The following CLCN6 variants were observed in gnomAD, a reference collection of about 807,000 sequenced individuals.
CLCN6 encodes H(+)/Cl(-) exchange transporter 6.
A neutral mutation model predicts 109.8 loss-of-function variants in CLCN6; 70 were observed. The observed-to-expected ratio is 0.64, with a 90% CI of 0.53 to 0.78. The LOEUF is 0.78. Ranked by LOEUF, CLCN6 falls within the 30% of genes least tolerant of loss-of-function variation. CLCN6 has a pLI of 0.00. For missense variants in CLCN6, 984 were observed against 1,142.3 expected (o/e 0.86, Z 2.00); for synonymous variants, 444 against 447.8 (o/e 0.99, Z 0.11).
In CLCN6 at chr1:11,834,249, G is replaced by A. The variant is rs774130337; in HGVS notation, c.1540G>A (p.Gly514Ser). 1.9e-6 allele frequency: 3 copies of A among 1,613,440 alleles called. No individual in the cohort carries two copies. The African/African-American group carries it at 4.0e-5, about 22-fold the overall frequency. ...ANVLKSYIGL[G>S]HIYSGTFALI... ...TTCCTTCACTAGCTACATTGGATTG[G>A]GCCACATCTATTCGGGGACCTTTGC... Residue 514 changes from glycine to serine, a missense_variant, in exon 16 of 23, where the codon GGC becomes AGC. By Grantham distance (56) the Gly-to-Ser change is moderately conservative (BLOSUM62 0). Coordinates refer to ENST00000346436, the MANE Select transcript of CLCN6 (RefSeq NM_001286.5). This position sits in a 1 kb window ranked among gnomAD's most constrained non-coding sequence, Gnocchi z 4.5.
At chr1:11,822,629 C>A (rs1644760209) in intron 5 of CLCN6, 66 bp from the exon 6 acceptor site, 2 of 917,306 alleles carry the variant, frequency 2.2e-6, no homozygotes, top group Non-Finnish European at 3.6e-6. Context: ...GCAGCTGCAC[C>A]CTCTCAAGTG....
At chr1:11,822,913 A>G (rs1034739526) in intron 6 of CLCN6, 112 bp downstream of exon 6, 3 of 727,786 alleles carry the variant, frequency 4.1e-6, no homozygotes, top group Non-Finnish European at 7.2e-6. Flanking sequence ...TCCTGCAGAA[A>G]GTGGCCTCTT....
chr1:11,817,207 C>T (rs1644684596), intron 4 of CLCN6, among the ~76,000 whole-genome samples: 1 of 152,154 alleles, frequency 6.6e-6, no homozygotes, highest in South Asian at 2.1e-4. Flanking sequence ...ATCCTCCTAC[C>T]TCAGCCTCCC....
rs1240973898 is a variant in CLCN6, at chr1:11,815,899, C to A, written c.201C>A (p.Thr67=). ...INDPYLEVLE[T]MDNKKGRRYE... is the part of the protein sequence containing the mutation. ...ACCCTTACCTGGAAGTTTTGGAGAC[C>A]ATGGATAATAAGGTGGGTCTTACAA... is the stretch of plus-strand genomic sequence containing the variant. The change falls in exon 3 of 23, where the codon ACC becomes ACA. Residue 67 remains threonine, a synonymous_variant. Coordinates refer to ENST00000346436, the MANE Select transcript of CLCN6 (RefSeq NM_001286.5). 1.2e-6 allele frequency: 2 copies of A among 1,612,480 alleles called. No homozygotes were observed. Among genetic ancestry groups the A allele is most frequent in the South Asian group, 2.2e-5 (2 of 91,052 alleles).
intron 2 of CLCN6, among the ~76,000 whole-genome samples, 199 bp from the exon 3 acceptor site, chr1:11,815,647 G>A (rs1644660104): frequency 6.6e-6 from 1 of 152,160 alleles, no homozygotes; most frequent in South Asian, 2.1e-4. Flanking sequence ...CACCTGCCTT[G>A]ACCTCCCAAA....
intron 2 of CLCN6, among the ~76,000 whole-genome samples, chr1:11,810,210 A>G (rs894737078): frequency 1.3e-5 from 2 of 152,172 alleles, no homozygotes; most frequent in African/African-American, 4.8e-5. Flanking sequence ...CATTGCACAT[A>G]TTTGACTCTT....
chr1:11,836,861 CTT>C (rs1644956528), intron 18 of CLCN6, 136 bp from the exon 19 acceptor site: 1 of 949,448 alleles, frequency 1.1e-6, no homozygotes, highest in Non-Finnish European at 1.5e-6. Context: ...CTGAGCCACT[CTT>C]TTGAACCTCA....
At chr1:11,824,082 A>C (rs1454944973) in intron 7 of CLCN6, among the ~76,000 whole-genome samples, 4 of 152,278 alleles carry the variant, frequency 2.6e-5, no homozygotes, top group African/African-American at 7.2e-5. Context: ...TGTCAAAATT[A>C]GCAAGCTTTT....
chr1:11,833,567 C>G lies in CLCN6; in HGVS notation c.1301C>G (p.Thr434Ser), dbSNP rs1644905867. 1 of 1,613,756 alleles carries G rather than the reference C, an allele frequency of 6.2e-7. No individual in the cohort carries two copies. Among genetic ancestry groups the G allele is most frequent in the Non-Finnish European group, 8.5e-7 (1 of 1,179,860 alleles). ...SIKTFFCPNDTYNDMATLFFN... is the reference protein window; with the variant it reads ...SIKTFFCPNDSYNDMATLFFN... ...AAGACATTTTTTTGTCCCAATGATA[C>G]CTACAATGACATGGCCACACTCTTC... Residue 434 changes from threonine (T) to serine (S), a missense_variant, in exon 14 of 23, where the codon ACC (threonine) becomes AGC (serine). Coordinates refer to ENST00000346436, the MANE Select transcript of CLCN6 (RefSeq NM_001286.5).
Position 11,829,799 on chromosome 1 carries a change from A to G in CLCN6, c.1248+477A>G, listed in dbSNP as rs111370806. Reference sequence around the variant, plus strand: ...AGGGGAACCTGGGAACAACCCTGGCATCACAGAGGGCAACTCCTCTCTGTT... The same window carrying G: ...AGGGGAACCTGGGAACAACCCTGGCGTCACAGAGGGCAACTCCTCTCTGTT... On this transcript the variant is annotated intron_variant, in intron 13 of 22. Coordinates refer to ENST00000346436, the MANE Select transcript of CLCN6 (RefSeq NM_001286.5). 740 of 154,494 alleles carry G rather than the reference A, an allele frequency of 4.8e-3. 19 individuals carry two copies. The highest frequency in any genetic ancestry group is 0.01 in the Middle Eastern group (3 of 294). 9.6% of individuals were successfully genotyped at this position (154,494 alleles called of 1,614,324 possible).
chr1:11,828,641 C>T lies in CLCN6; in HGVS notation c.1121+17C>T, dbSNP rs1016703698. ...GCTCGTCAGGTATCTGCACAGTCGC[C>T]TCCCCCCCGAGCCTGCTGCGGCTCC... On this transcript the variant is annotated intron_variant, in intron 12 of 22. Transcript: ENST00000346436. 3 of 1,581,716 alleles carry T rather than the reference C, an allele frequency of 1.9e-6. No homozygotes were observed. The highest frequency in any genetic ancestry group is 1.7e-5 in the Admixed American group (1 of 57,238).
In CLCN6 at chr1:11,828,490, G is replaced by A; in HGVS notation, c.987G>A (p.Trp329Ter). The A allele has an allele frequency of 1.9e-6, 3 of 1,614,062 alleles. No homozygotes were observed. Among genetic ancestry groups the A allele is most frequent in the Non-Finnish European group, 1.7e-6 (2 of 1,180,024 alleles). ...ACTCTGATAAAAAATGTCATCTCTG[G>A]ACAGCTATGGATTTGGGTTTCTTCG... ...CSDSDKKCHLWTAMDLGFFVV... is the reference protein window; with the variant it reads ...CSDSDKKCHL Residue 329 changes from tryptophan to a stop codon, truncating the protein, a stop_gained, in exon 12 of 23, where the codon TGG becomes TGA. Transcript: ENST00000346436. LOFTEE classifies it high-confidence loss of function.
intron 2 of CLCN6, among the ~76,000 whole-genome samples, chr1:11,808,823 G>T (rs1045465595): frequency 1.3e-5 from 2 of 151,554 alleles, no homozygotes; most frequent in Non-Finnish European, 2.9e-5. Flanking sequence ...AAAAAGCACT[G>T]TATCCACTGC....
Position 11,838,427 on chromosome 1 carries a change from C to G in CLCN6, c.2388C>G (p.Asn796Lys). The G allele has an allele frequency of 6.2e-7, 1 of 1,614,180 alleles. No homozygotes were observed. Among genetic ancestry groups the G allele is most frequent in the Non-Finnish European group, 8.5e-7 (1 of 1,180,042 alleles). ...DIHDLDLTLLNPRMIVDVTPY... is the reference protein window; with the variant it reads ...DIHDLDLTLLKPRMIVDVTPY... ...ACGACCTGGACCTGACGCTGCTCAA[C>G]CCGCGCATGATCGTGGTGAGAAGGG... Residue 796 changes from asparagine (N) to lysine (K), a missense_variant, in exon 21 of 23, where the codon AAC (asparagine) becomes AAG (lysine). Transcript: ENST00000346436.
Position 11,836,300 on chromosome 1 carries a change from A to G in CLCN6, c.1980+147A>G, listed in dbSNP as rs1644949328. The G allele has an allele frequency of 4.3e-6, 3 of 701,494 alleles. No homozygotes were observed. The South Asian group carries it at 5.8e-5, about 14-fold the overall frequency. 43.5% of individuals were successfully genotyped at this position (701,494 alleles called of 1,614,324 possible). A position where few individuals can be genotyped will look rare whatever the true frequency, so the allele number is the denominator to read the frequency against. ...TGTTCTCATCACATGCGACAGGGAG[A>G]GTAGATTTGACAGCAGGGGCAGCTT... On this transcript the variant is annotated intron_variant, in intron 18 of 22. Transcript: ENST00000346436.
chr1:11,809,807 A>C (rs923749605), intron 2 of CLCN6, among the ~76,000 whole-genome samples: 1 of 152,212 alleles, frequency 6.6e-6, no homozygotes, highest in Non-Finnish European at 1.5e-5. Context: ...TTGGTCATTG[A>C]TATTTCTCAA....
At chr1:11,824,881 A>G (rs1476394078) in intron 8 of CLCN6, among the ~76,000 whole-genome samples, 2 of 152,202 alleles carry the variant, frequency 1.3e-5, no homozygotes, top group African/African-American at 2.4e-5. Context: ...TGCCAGATCC[A>G]AGAGGCTCGA....
chr1:11,828,517 C>A lies in CLCN6; in HGVS notation c.1014C>A (p.Val338=). ...LWTAMDLGFF[V]VMGVIGGLLG... is the part of the protein sequence containing the mutation. Reference sequence around the variant, plus strand: ...CAGCTATGGATTTGGGTTTCTTCGTCGTGATGGGGGTCATTGGGGGCCTCC... The same window carrying A: ...CAGCTATGGATTTGGGTTTCTTCGTAGTGATGGGGGTCATTGGGGGCCTCC... Residue 338 remains valine (V), a synonymous_variant, in exon 12 of 23, where the codon GTC becomes GTA. Coordinates refer to ENST00000346436, the MANE Select transcript of CLCN6 (RefSeq NM_001286.5). The A allele has an allele frequency of 6.2e-7, 1 of 1,614,082 alleles. No individual in the cohort carries two copies. Among genetic ancestry groups the A allele is most frequent in the Non-Finnish European group, 8.5e-7 (1 of 1,180,012 alleles).
rs1557776321 is a variant in CLCN6, at chr1:11,808,226, TTTGTG to T, written c.147+1038_147+1042del. Among the ~76,000 whole-genome samples the T allele has an allele frequency of 2.3e-4, 28 of 122,752 alleles. No individual in the cohort carries two copies. In the East Asian group the frequency reaches 2.3e-3, roughly 10 times the overall value. 80.5% of individuals were successfully genotyped at this position (122,752 alleles called of 152,430 possible). On this transcript the variant is annotated intron_variant, in intron 2 of 22. Transcript: ENST00000346436. The stretch of plus-strand genomic sequence containing the variant: ...ATTTTTTATTGTATGTGTGTGTGTG[TTTGTG>T]TGTGTGTGTGTGTGTGTGTGTGTGT...
Sources: gnomAD v4.1 joint callset for allele counts (sites outside exome capture counted in the v4.1 genomes callset) on GRCh38, gnomAD v4.1.1 for gene constraint, Gnocchi (gnomAD v3.1) non-coding constraint, MANE v1.5 for transcripts, NCBI Gene and HGNC (gene_info 2026-07-23, HGNC 2026-07-21) for gene names.